The following MEI4 variants were observed in gnomAD, a reference collection of about 807,000 sequenced individuals.
The protein encoded by MEI4 is meiotic double-stranded break formation protein 4.
Under a neutral mutation model 31.4 loss-of-function variants are expected in MEI4, and 27 were observed. The ratio of observed to expected loss-of-function variants is 0.86; its 90% CI spans 0.63 to 1.19. MEI4 has a LOEUF of 1.19. MEI4 is among the 50% of genes most tolerant of loss of function. The pLI, the probability that MEI4 is intolerant of heterozygous loss-of-function variation, is 0.00. For missense variants in MEI4, 329 were observed against 398.9 expected, an observed-to-expected ratio of 0.82 and a Z score of 1.49; for synonymous variants, 122 against 145.4, an observed-to-expected ratio of 0.84 and a Z score of 1.16.
chr6:77,686,540 C>T (rs1014261234), intron 1 of MEI4, among the ~76,000 whole-genome samples: 1 of 151,884 alleles, frequency 6.6e-6, no homozygotes, highest in African/African-American at 2.4e-5. Flanking sequence ...CATTTAATGT[C>T]ATGTGGGAAA....
intron 4 of MEI4, among the ~76,000 whole-genome samples, chr6:77,841,314 C>CATATATATATATATATATAT (rs1315994932): frequency 2.5e-4 from 13 of 51,896 alleles, no homozygotes; most frequent in African/African-American, 9.3e-4. Flanking sequence ...CAAATGTGTG[C>CATATATATATATATATATAT]ATATATATAT....
At chr6:77,800,198 A>G (rs1319460922) in intron 3 of MEI4, among the ~76,000 whole-genome samples, 1 of 152,070 alleles carries the variant, frequency 6.6e-6, no homozygotes, top group Non-Finnish European at 1.5e-5. Context: ...TTCTCCTTGA[A>G]GAGGTCTTTC....
chr6:77,709,108 G>T (rs1265755608), intron 2 of MEI4, among the ~76,000 whole-genome samples: 1 of 151,828 alleles, frequency 6.6e-6, no homozygotes, highest in Non-Finnish European at 1.5e-5. Context: ...CTTGTTTTTG[G>T]TTTTTCTCAA....
chr6:77,729,201 T>C (rs146479497), intron 2 of MEI4, among the ~76,000 whole-genome samples: 1 of 152,284 alleles, frequency 6.6e-6, no homozygotes, highest in East Asian at 1.9e-4. Flanking sequence ...TTCTCTGCTA[T>C]CCAAAGAATA....
chr6:77,861,242 T>C (rs1001738060), intron 4 of MEI4, among the ~76,000 whole-genome samples: 2 of 152,202 alleles, frequency 1.3e-5, no homozygotes, highest in African/African-American at 4.8e-5. Context: ...ACAAAAGTAC[T>C]GGTGATCTTG....
intron 4 of MEI4, among the ~76,000 whole-genome samples, chr6:77,838,043 G>A (rs1312735508): frequency 6.6e-6 from 1 of 152,088 alleles, no homozygotes; most frequent in Non-Finnish European, 1.5e-5. Context: ...CATCATAAGT[G>A]CACCATTGCT....
intron 2 of MEI4, among the ~76,000 whole-genome samples, chr6:77,701,767 A>G (rs1487112940): frequency 1.3e-5 from 2 of 152,122 alleles, no homozygotes; most frequent in Non-Finnish European, 2.9e-5. Context: ...ATTGATGTAC[A>G]TGTTTATTTA....
chr6:77,703,458 A>G (rs952565414), intron 2 of MEI4, among the ~76,000 whole-genome samples: 5 of 152,222 alleles, frequency 3.3e-5, no homozygotes, highest in Non-Finnish European at 7.3e-5. Flanking sequence ...AACCATTCAC[A>G]GTACTTTTGC....
At chr6:77,894,705 T>A (rs954677198) in intron 4 of MEI4, among the ~76,000 whole-genome samples, 12 of 152,228 alleles carry the variant, frequency 7.9e-5, no homozygotes, top group Non-Finnish European at 1.5e-4. Flanking sequence ...TGAGCCAATC[T>A]TGTTGTCCCT....
chr6:77,726,418 G>A (rs1334358776), intron 2 of MEI4, among the ~76,000 whole-genome samples: 1 of 152,146 alleles, frequency 6.6e-6, no homozygotes, highest in African/African-American at 2.4e-5. Flanking sequence ...GAGTGTCATA[G>A]AATATTAATG....
intron 3 of MEI4, among the ~76,000 whole-genome samples, chr6:77,778,909 G>A (rs1301057937): frequency 1.3e-5 from 2 of 151,936 alleles, no homozygotes; most frequent in East Asian, 3.9e-4. Flanking sequence ...AAAAGAGAGG[G>A]GAGCCCAAGT....
At chr6:77,787,286 C>T (rs1344335985) in intron 3 of MEI4, among the ~76,000 whole-genome samples, 1 of 152,182 alleles carries the variant, frequency 6.6e-6, no homozygotes, top group Non-Finnish European at 1.5e-5. Flanking sequence ...CATCTGTGCA[C>T]CTGCTAATGG....
In MEI4 at chr6:77,912,079, G is replaced by T. The variant is rs145302328; in HGVS notation, c.901-11010G>T. On this transcript the variant is annotated intron_variant, in intron 4 of 4. Coordinates refer to ENST00000684080, the MANE Select transcript of MEI4 (RefSeq NM_001322247.2). ...AACTTATTTAACATCATTTACTAAT[G>T]TGGGTGTCCTTTTCCCAGTGGATGT... Among the ~76,000 whole-genome samples, 209 of 152,104 alleles carry T rather than the reference G, an allele frequency of 1.4e-3. 1 individual carries two copies. The highest frequency in any genetic ancestry group is 4.4e-3 in the African/African-American group (183 of 41,540).
intron 1 of MEI4, among the ~76,000 whole-genome samples, chr6:77,657,885 C>A (rs1768426648): frequency 6.6e-6 from 1 of 152,220 alleles, no homozygotes; most frequent in Non-Finnish European, 1.5e-5. Context: ...CTTCAGAAGT[C>A]CCTCCTCCTC....
chr6:77,889,030 C>T (rs1249775911), intron 4 of MEI4, among the ~76,000 whole-genome samples: 4 of 152,262 alleles, frequency 2.6e-5, no homozygotes, highest in South Asian at 4.1e-4. Context: ...CCCTGTAGAA[C>T]TGTGAGTCAA....
intron 4 of MEI4, among the ~76,000 whole-genome samples, chr6:77,878,221 T>TAA (rs70974689): frequency 5.3e-5 from 8 of 151,716 alleles, no homozygotes; most frequent in East Asian, 3.9e-4. Flanking sequence ...AGTAAATACA[T>TAA]AAAAAAACCT....
chr6:77,699,468 A>T (rs1455098449), intron 2 of MEI4, among the ~76,000 whole-genome samples: 1 of 152,148 alleles, frequency 6.6e-6, no homozygotes, highest in Admixed American at 6.5e-5. Context: ...CTGGGATTAC[A>T]GGCGTGAGCC....
intron 2 of MEI4, among the ~76,000 whole-genome samples, chr6:77,727,287 G>A (rs1766851135): frequency 6.6e-6 from 1 of 152,150 alleles, no homozygotes; most frequent in Non-Finnish European, 1.5e-5. Context: ...GCATATTATG[G>A]CCTATATTAT....
chr6:77,731,137 A>G (rs1766976632), intron 2 of MEI4, among the ~76,000 whole-genome samples: 1 of 151,880 alleles, frequency 6.6e-6, no homozygotes, highest in Admixed American at 6.6e-5. Flanking sequence ...CTTTGGGTAC[A>G]TACCCAGTAA....
Sources: gnomAD v4.1 joint callset for allele counts (sites outside exome capture counted in the v4.1 genomes callset) on GRCh38, gnomAD v4.1.1 for gene constraint, MANE v1.5 for transcripts, NCBI Gene and HGNC (gene_info 2026-07-23, HGNC 2026-07-21) for gene names.